COL28A1: variants seen among roughly 807,000 people sequenced by gnomAD.
The protein encoded by COL28A1 is collagen type XXVIII alpha 1 chain, also known as collagen alpha-1(XXVIII) chain.
In COL28A1, 161 loss-of-function variants were observed where a neutral mutation model predicts 150.2. The observed-to-expected ratio is 1.07, with a 90% confidence interval of 0.94 to 1.22. The LOEUF (loss-of-function observed/expected upper bound fraction) is 1.22, where lower values mean the gene tolerates loss of function less well. Ranked by LOEUF, COL28A1 falls within the 50% of genes most tolerant of loss-of-function variation. The pLI is 0.00. For synonymous variants in COL28A1, 552 were observed against 469.7 expected (o/e 1.18, Z -2.26); for missense variants, 1,617 against 1,388.3 (o/e 1.16, Z -2.62).
At chr7:7,461,245 G>A (rs748322100) in intron 15 of COL28A1, among the ~76,000 whole-genome samples, 2 of 152,184 alleles carry the variant, frequency 1.3e-5, no homozygotes, top group Non-Finnish European at 2.9e-5. Context: ...TGGGCTCAGT[G>A]GGTTCCCTAG....
chr7:7,480,799 A>G (rs1235037384), intron 13 of COL28A1, among the ~76,000 whole-genome samples: 1 of 152,188 alleles, frequency 6.6e-6, no homozygotes, highest in Admixed American at 6.5e-5. Flanking sequence ...TAATAGTTAA[A>G]AGCAGATTTT....
chr7:7,402,227 GAACATCAAGGTTA>G (rs1216350223), intron 27 of COL28A1, among the ~76,000 whole-genome samples: 1 of 152,130 alleles, frequency 6.6e-6, no homozygotes, highest in Non-Finnish European at 1.5e-5. Flanking sequence ...TTCATCATTT[GAACATCAAGGTTA>G]AACATCAGAA....
In COL28A1 at chr7:7,511,086, C is replaced by T. The variant is rs752504996; in HGVS notation, c.927+5G>A. The T allele has an allele frequency of 6.8e-6, 11 of 1,612,592 alleles. 1 individual carries two copies. In the East Asian group the frequency reaches 1.6e-4, roughly 23 times the overall value. On this transcript the variant is annotated splice_donor_5th_base_variant and intron_variant, in intron 9 of 34. Coordinates refer to ENST00000399429, the MANE Select transcript of COL28A1 (RefSeq NM_001037763.3). ...CTGTAAGCAGTTTAAAAACATGTTC[C>T]TTACCTTGTCACCTTTTATCCCTGG...
intron 25 of COL28A1, among the ~76,000 whole-genome samples, chr7:7,422,910 T>C (rs1784454092): frequency 1.3e-5 from 2 of 152,168 alleles, no homozygotes; most frequent in African/African-American, 4.8e-5. Context: ...ATACACTAAC[T>C]GCGAGCTAAA....
At chr7:7,434,605 C>G (rs557903388) in intron 23 of COL28A1, among the ~76,000 whole-genome samples, 1 of 152,134 alleles carries the variant, frequency 6.6e-6, no homozygotes, top group South Asian at 2.1e-4. Context: ...GACACCACAG[C>G]GGAGGGGAAA....
intron 15 of COL28A1, among the ~76,000 whole-genome samples, chr7:7,473,177 G>C (rs553281696): frequency 3.9e-5 from 6 of 152,108 alleles, no homozygotes; most frequent in Non-Finnish European, 8.8e-5. Context: ...ATAAATAGCT[G>C]GGACTTAATT....
At position 7,454,797 on chromosome 7, in the gene COL28A1, T is replaced by C. The variant is rs1296287957; in HGVS notation, c.1371+1247A>G. Reference sequence around the variant, plus strand: ...CCCCTGCTAAAACCAACAAATAAACTAAAAGGCTTGAGAATGTCGGCTGGT... The same window carrying C: ...CCCCTGCTAAAACCAACAAATAAACCAAAAGGCTTGAGAATGTCGGCTGGT... On this transcript the variant is annotated intron_variant, in intron 16 of 34. Transcript: ENST00000399429. 4.6e-5 allele frequency among the ~76,000 whole-genome samples: 7 copies of C among 152,146 alleles called. No individual in the cohort carries two copies. In the East Asian group the frequency reaches 1.3e-3, roughly 29 times the overall value.
At chr7:7,356,337 T>G (rs1056061780), downstream of COL28A1, 4 of 152,112 alleles carry the variant, frequency 2.6e-5, no homozygotes, top group African/African-American at 4.8e-5. Context: ...AAGTTCAAAA[T>G]GGGATATCCC....
rs761588485 is a variant in COL28A1, at chr7:7,432,655, C to T, written c.1906G>A (p.Gly636Ser). The T allele has an allele frequency of 5.6e-6, 9 of 1,614,058 alleles. No homozygotes were observed. The South Asian group carries it at 9.9e-5, about 18-fold the overall frequency. Residue 636 changes from glycine (G) to serine (S), a missense_variant, in exon 24 of 35, where the codon GGT (glycine) becomes AGT (serine). By Grantham distance (56) the Gly-to-Ser change is moderately conservative (BLOSUM62 0). Transcript: ENST00000399429. ...ACAGGCACACCAGGATAGCCATCAC[C>T]TTTGAGTCCTGGAGCACCCACTGGT... ...RGPVGAPGLK[G>S]DGYPGVPGPR...
chr7:7,396,862 T>C (rs1782861939), intron 27 of COL28A1, among the ~76,000 whole-genome samples: 1 of 152,236 alleles, frequency 6.6e-6, no homozygotes, highest in South Asian at 2.1e-4. Flanking sequence ...AGTCTGTTCC[T>C]AAAAACAGTT....
chr7:7,476,385 C>T (rs961588936), intron 14 of COL28A1, among the ~76,000 whole-genome samples: 1 of 152,166 alleles, frequency 6.6e-6, no homozygotes, highest in Non-Finnish European at 1.5e-5. Flanking sequence ...AACTACAGCC[C>T]ATAAGCCAAA....
intron 25 of COL28A1, 45 bp downstream of exon 25, chr7:7,432,428 G>C (rs776663733): frequency 6.6e-7 from 1 of 1,521,624 alleles, no homozygotes; most frequent in African/African-American, 1.4e-5. Context: ...CCTACCTATA[G>C]GTGCACTCTT....
At chr7:7,350,786 A>C in the COL28A1 span, among the ~76,000 whole-genome samples, 2 of 150,642 alleles carry the variant, frequency 1.3e-5, no homozygotes, top group African/African-American at 2.4e-5. Flanking sequence ...TAAGACGTAC[A>C]AAAAAAAAGT....
downstream of COL28A1, among the ~76,000 whole-genome samples, chr7:7,353,621 AC>A (rs1357669949): frequency 5.9e-5 from 9 of 152,168 alleles, no homozygotes; most frequent in Non-Finnish European, 7.3e-5. Flanking sequence ...ATGAGAGGGT[AC>A]CACAAAGAAA....
chr7:7,363,970 C>T (rs1447762057), intron 33 of COL28A1, among the ~76,000 whole-genome samples: 1 of 151,990 alleles, frequency 6.6e-6, no homozygotes, highest in Non-Finnish European at 1.5e-5. Flanking sequence ...ATAACCTTGT[C>T]TTCCACTACT....
At position 7,528,828 on chromosome 7, in the gene COL28A1, T is replaced by C. The variant is rs546088278; in HGVS notation, c.681+2520A>G. On this transcript the variant is annotated intron_variant, in intron 3 of 34. Coordinates refer to ENST00000399429, the MANE Select transcript of COL28A1 (RefSeq NM_001037763.3). ...TGGTAGTTTCATAGGTGTGTACCTA[T>C]GTCAAAAGCTCATGGAATTGTGCCC... 1.3e-3 allele frequency among the ~76,000 whole-genome samples: 195 copies of C among 152,294 alleles called. 1 individual carries two copies. Among genetic ancestry groups the C allele is most frequent in the Non-Finnish European group, 2.1e-3 (143 of 68,014 alleles).
intron 16 of COL28A1, among the ~76,000 whole-genome samples, chr7:7,455,396 T>C (rs1422289191): frequency 6.6e-6 from 1 of 152,208 alleles, no homozygotes; most frequent in East Asian, 1.9e-4. Flanking sequence ...TTTATCACAA[T>C]ACCCAGATTT....
chr7:7,418,475 C>T (rs1394307995), intron 26 of COL28A1, among the ~76,000 whole-genome samples: 1 of 152,164 alleles, frequency 6.6e-6, no homozygotes, highest in East Asian at 1.9e-4. Flanking sequence ...GGAAACACTT[C>T]GTGGTGGAAT....
intron 22 of COL28A1, 144 bp from the exon 23 acceptor site, chr7:7,436,607 T>C: frequency 3.2e-6 from 2 of 624,864 alleles, no homozygotes; most frequent in Non-Finnish European, 5.7e-6. Flanking sequence ...CAAACATATT[T>C]GAGGGGACTT....
Sources: gnomAD v4.1 joint callset for allele counts (sites outside exome capture counted in the v4.1 genomes callset) on GRCh38, gnomAD v4.1.1 for gene constraint, MANE v1.5 for transcripts, NCBI Gene and HGNC (gene_info 2026-07-23, HGNC 2026-07-21) for gene names.